Variants in SGCZ observed in about 807,000 individuals in gnomAD.
SGCZ encodes the protein zeta-sarcoglycan.
Under a neutral mutation model 41.3 loss-of-function variants are expected in SGCZ, and 40 were observed. The ratio of observed to expected loss-of-function variants is 0.97; its 90% confidence interval spans 0.75 to 1.26. The LOEUF (loss-of-function observed/expected upper bound fraction) is 1.26, where lower values mean the gene tolerates loss of function less well. Ranked by LOEUF, SGCZ falls within the 50% of genes most tolerant of loss-of-function variation. The pLI, the probability that SGCZ is intolerant of heterozygous loss-of-function variation, is 0.00. For missense variants in SGCZ, 552 were observed against 369.8 expected, an observed-to-expected ratio of 1.49 and a Z score of -4.04; for synonymous variants, 206 against 137.5, an observed-to-expected ratio of 1.50 and a Z score of -3.49.
At chr8:14,381,145 A>G (rs1256083654) in intron 2 of SGCZ, among the ~76,000 whole-genome samples, 1 of 152,236 alleles carries the variant, frequency 6.6e-6, no homozygotes, top group Non-Finnish European at 1.5e-5. Flanking sequence ...GCCTAAAGAT[A>G]CAAAGGATTT....
chr8:14,331,821 C>A (rs1802337117), intron 2 of SGCZ, among the ~76,000 whole-genome samples: 1 of 151,308 alleles, frequency 6.6e-6, no homozygotes, highest in Admixed American at 6.6e-5. Flanking sequence ...CACTGGTGTT[C>A]CTTTAGATAT....
At chr8:14,988,649 G>A (rs886606325) in intron 1 of SGCZ, among the ~76,000 whole-genome samples, 2 of 151,802 alleles carry the variant, frequency 1.3e-5, no homozygotes, top group Admixed American at 1.3e-4. Context: ...AAAAAAAACT[G>A]TTATTCTAAT....
rs185465811 is a variant in SGCZ, at chr8:15,090,981, T to G, written c.39+146604A>C. ...CAATTGAGACTGATTACTTTGATTC[T>G]ACACATTAATTTTATGGCATCTACT... On this transcript the variant is annotated intron_variant, in intron 1 of 7. Coordinates refer to ENST00000382080, the MANE Select transcript of SGCZ (RefSeq NM_139167.4). 5.0e-3 allele frequency among the ~76,000 whole-genome samples: 758 copies of G among 152,330 alleles called. 6 individuals carry two copies. Among genetic ancestry groups the G allele is most frequent in the African/African-American group, 0.016 (645 of 41,578 alleles).
chr8:14,538,835 G>C (rs1803373228), intron 2 of SGCZ, among the ~76,000 whole-genome samples: 1 of 151,804 alleles, frequency 6.6e-6, no homozygotes, highest in South Asian at 2.1e-4. Context: ...TATATTTTAA[G>C]ATAGACCAAG....
chr8:15,064,119 C>G (rs1436346760), intron 1 of SGCZ, among the ~76,000 whole-genome samples: 1 of 152,096 alleles, frequency 6.6e-6, no homozygotes, highest in Non-Finnish European at 1.5e-5. Flanking sequence ...TTGTCTCTTT[C>G]TTCATTTTAT....
At chr8:14,874,364 AT>A (rs1804270408) in intron 1 of SGCZ, among the ~76,000 whole-genome samples, 1 of 152,006 alleles carries the variant, frequency 6.6e-6, no homozygotes, top group South Asian at 2.1e-4. Flanking sequence ...TTGGCTCATA[AT>A]TTTTCCCTGG....
intron 2 of SGCZ, among the ~76,000 whole-genome samples, chr8:14,353,676 T>G (rs920572679): frequency 6.6e-6 from 1 of 152,098 alleles, no homozygotes; most frequent in Non-Finnish European, 1.5e-5. Flanking sequence ...AAAAATTACC[T>G]GAAATATTGT....
At chr8:14,163,740 AT>A (rs1336614147) in intron 5 of SGCZ, among the ~76,000 whole-genome samples, 4 of 152,198 alleles carry the variant, frequency 2.6e-5, no homozygotes, top group African/African-American at 7.2e-5. Flanking sequence ...TTCAATTGCC[AT>A]GCTAACTGCC....
At chr8:15,113,748 A>C (rs539977186) in intron 1 of SGCZ, among the ~76,000 whole-genome samples, 1 of 152,202 alleles carries the variant, frequency 6.6e-6, no homozygotes, top group African/African-American at 2.4e-5. Flanking sequence ...TTCATGTCCA[A>C]ACTTGACCCT....
chr8:14,856,315 G>C (rs908406795), intron 1 of SGCZ, among the ~76,000 whole-genome samples: 3 of 152,152 alleles, frequency 2.0e-5, no homozygotes, highest in African/African-American at 4.8e-5. Flanking sequence ...GGGGAGATTT[G>C]GGAAGGACAG....
intron 1 of SGCZ, 127 bp downstream of exon 1, chr8:15,237,458 C>T (rs914716292): frequency 2.6e-6 from 3 of 1,165,462 alleles, no homozygotes; most frequent in African/African-American, 3.0e-5. Context: ...GCGCGTCCCC[C>T]CAACGCCCCC....
chr8:14,297,849 C>G (rs1033968555), intron 3 of SGCZ, among the ~76,000 whole-genome samples: 8 of 151,740 alleles, frequency 5.3e-5, no homozygotes, highest in Non-Finnish European at 1.2e-4. Flanking sequence ...TTTAGACCAA[C>G]TCTTTCAGAA....
intron 1 of SGCZ, among the ~76,000 whole-genome samples, chr8:14,862,221 G>T (rs1803774190): frequency 6.6e-6 from 1 of 151,908 alleles, no homozygotes. Context: ...ATTCAAATTG[G>T]AAACCAAGGC....
At chr8:14,870,000 C>A (rs1804086473) in intron 1 of SGCZ, among the ~76,000 whole-genome samples, 1 of 152,152 alleles carries the variant, frequency 6.6e-6, no homozygotes, top group Non-Finnish European at 1.5e-5. Flanking sequence ...AATGGCCATA[C>A]TGCCAAAGTA....
chr8:14,908,831 G>C (rs1799198062), intron 1 of SGCZ, among the ~76,000 whole-genome samples: 1 of 151,162 alleles, frequency 6.6e-6, no homozygotes, highest in Admixed American at 6.6e-5. Context: ...CAAAGTTTCT[G>C]ATATTCTGAA....
intron 1 of SGCZ, among the ~76,000 whole-genome samples, chr8:15,038,173 T>C (rs1803937600): frequency 6.6e-6 from 1 of 151,994 alleles, no homozygotes; most frequent in Admixed American, 6.6e-5. Flanking sequence ...AAAGAATAAA[T>C]CTGAAGGTAT....
At chr8:15,023,110 A>C (rs1803317899) in intron 1 of SGCZ, among the ~76,000 whole-genome samples, 1 of 152,212 alleles carries the variant, frequency 6.6e-6, no homozygotes, top group Non-Finnish European at 1.5e-5. Flanking sequence ...GCCAGCTGTC[A>C]TCATCTGTTT....
chr8:14,639,962 G>C (rs1424915535), intron 1 of SGCZ, among the ~76,000 whole-genome samples: 2 of 151,544 alleles, frequency 1.3e-5, no homozygotes, highest in Non-Finnish European at 3.0e-5. Flanking sequence ...GTTACTTAGA[G>C]CAGAAAGATA....
chr8:14,445,985 G>A (rs1800421213), intron 2 of SGCZ, among the ~76,000 whole-genome samples: 1 of 152,170 alleles, frequency 6.6e-6, no homozygotes, highest in African/African-American at 2.4e-5. Flanking sequence ...ATTTGCTGAT[G>A]TGCTCCCTCC....
Sources: gnomAD v4.1 joint callset for allele counts (sites outside exome capture counted in the v4.1 genomes callset) on GRCh38, gnomAD v4.1.1 for gene constraint, MANE v1.5 for transcripts, NCBI Gene and HGNC (gene_info 2026-07-23, HGNC 2026-07-21) for gene names.